Variants in BCO1 observed in about 807,000 individuals in gnomAD.
BCO1 encodes beta-carotene oxygenase 1, also known as beta,beta-carotene 15,15'-dioxygenase.
In BCO1, 54 loss-of-function variants were observed where a neutral mutation model predicts 56.3. The ratio of observed to expected loss-of-function variants is 0.96; its 90% confidence interval spans 0.77 to 1.20. BCO1 has a LOEUF of 1.20. BCO1 is among the 50% of genes most tolerant of loss of function. The probability of loss-of-function intolerance (pLI) is 0.00; values close to 1 mark genes in which losing one functional copy is unlikely to be tolerated. For synonymous variants in BCO1, 318 were observed against 266.1 expected (o/e 1.20, Z -1.90); for missense variants, 801 against 690.9 (o/e 1.16, Z -1.79).
rs777667407 is a variant in BCO1, at chr16:81,290,563, G to T, written c.1630G>T (p.Ala544Ser). The T allele has an allele frequency of 6.2e-7, 1 of 1,613,398 alleles. No homozygotes were observed. Among genetic ancestry groups the T allele is most frequent in the Non-Finnish European group, 8.5e-7 (1 of 1,179,992 alleles). The change falls in exon 11 of 11, where the codon GCT becomes TCT. Residue 544 changes from alanine to serine, a missense_variant. Transcript: ENST00000258168. ...GGACAGGGCTTCCGACTGCCACGGGGCTCCTCTGACCTGATGGTGTTGGGG... is the reference window on the plus strand; with the variant it reads ...GGACAGGGCTTCCGACTGCCACGGGTCTCCTCTGACCTGATGGTGTTGGGG... ...QRDRASDCHG[A>S]PLT is the part of the protein sequence containing the mutation.
intron 7 of BCO1, among the ~76,000 whole-genome samples, chr16:81,275,451 G>A (rs144832284): frequency 6.6e-6 from 1 of 152,194 alleles, no homozygotes; most frequent in Non-Finnish European, 1.5e-5. Flanking sequence ...GCATGACCCC[G>A]CAGCTGAGTC....
In BCO1 at chr16:81,238,698, A is replaced by T; in HGVS notation, c.-211A>T. On this transcript the variant is annotated 5_prime_UTR_variant, in exon 1 of 11. The change abolishes the stop of an existing upstream ORF in the 5' untranslated region. Transcript: ENST00000258168. ...CAGCGCAGCTTCCCTTGTGAATGTA[A>T]AGAGATCCAGGGCTCTTGGAGAGGG... is the stretch of plus-strand genomic sequence containing the variant. The T allele has an allele frequency of 1.7e-6, 1 of 604,510 alleles. No homozygotes were observed. Among genetic ancestry groups the T allele is most frequent in the Non-Finnish European group, 3.0e-6 (1 of 335,796 alleles). The allele number at this position is 604,510 out of a possible 1,614,324, so 37.4% of individuals were successfully genotyped here. A position where few individuals can be genotyped will look rare whatever the true frequency, so the allele number is the denominator to read the frequency against.
Position 81,258,263 on chromosome 16 carries a change from A to C in BCO1, c.194-1413A>C, listed in dbSNP as rs145377955. Reference sequence around the variant, plus strand: ...GGGTAAGTCGTTACAGCAGCCGTAGAAAACTAACACGGGTCTAGAACCATC... The same window carrying C: ...GGGTAAGTCGTTACAGCAGCCGTAGCAAACTAACACGGGTCTAGAACCATC... On this transcript the variant is annotated intron_variant, in intron 2 of 10. Transcript: ENST00000258168. Among the ~76,000 whole-genome samples the C allele has an allele frequency of 1.1e-4, 16 of 152,332 alleles. 1 individual carries two copies. In the East Asian group the frequency reaches 2.7e-3, roughly 26 times the overall value.
intron 7 of BCO1, among the ~76,000 whole-genome samples, chr16:81,277,283 T>C (rs1402412942): frequency 6.6e-6 from 1 of 152,030 alleles, no homozygotes; most frequent in Non-Finnish European, 1.5e-5. Context: ...CTGTGAATTT[T>C]AGGGGCTGTG....
At chr16:81,282,489 C>G (rs1907939389) in intron 8 of BCO1, among the ~76,000 whole-genome samples, 1 of 152,136 alleles carries the variant, frequency 6.6e-6, no homozygotes, top group Non-Finnish European at 1.5e-5. Flanking sequence ...GACTTGGGGA[C>G]TCTTTTAGGA....
Position 81,250,578 on chromosome 16 carries a change from C to CTTTTTT in BCO1, c.193+4990_193+4995dup, listed in dbSNP as rs530676028. 3.6e-4 allele frequency among the ~76,000 whole-genome samples: 38 copies of CTTTTTT among 105,474 alleles called. 2 individuals are homozygous for CTTTTTT. The highest frequency in any genetic ancestry group is 3.1e-4 in the African/African-American group (8 of 26,072). The allele number at this position is 105,474 out of a possible 152,430, so 69.2% of individuals were successfully genotyped here. ...TTGTGTGCCTCCTTTCTCAATAAAG[C>CTTTTTT]TTTTTTTTTTTTTTTTTTTTGAGAT... On this transcript the variant is annotated intron_variant, in intron 2 of 10. Coordinates refer to ENST00000258168, the MANE Select transcript of BCO1 (RefSeq NM_017429.3).
chr16:81,244,815 G>A (rs533887662), intron 1 of BCO1, among the ~76,000 whole-genome samples: 4 of 150,624 alleles, frequency 2.7e-5, no homozygotes, highest in African/African-American at 9.8e-5. Flanking sequence ...GAGCTCCCAG[G>A]CTCAAGCGAT....
chr16:81,283,428 T>TA lies in BCO1; in HGVS notation c.1208-2101dup, dbSNP rs370312811. 8.6e-3 allele frequency among the ~76,000 whole-genome samples: 1,259 copies of TA among 146,980 alleles called. 7 individuals are homozygous for TA. The highest frequency in any genetic ancestry group is 0.012 in the Non-Finnish European group (810 of 66,390). ...AACATGGCAAAACCCCATCTCTATTTAAAAAAAAAAATACAAAAATTAGCC... is the reference window on the plus strand; with the variant it reads ...AACATGGCAAAACCCCATCTCTATTTAAAAAAAAAAAATACAAAAATTAGCC... On this transcript the variant is annotated intron_variant, in intron 8 of 10. Transcript: ENST00000258168.
At chr16:81,274,406 G>A (rs1907426345) in intron 7 of BCO1, among the ~76,000 whole-genome samples, 1 of 151,564 alleles carries the variant, frequency 6.6e-6, no homozygotes. Flanking sequence ...TGGGACTACA[G>A]GCGCCCGCCA....
At position 81,290,251 on chromosome 16, in the gene BCO1, CAT is replaced by C. The variant is rs2150652869; in HGVS notation, c.1415-94_1415-93del. 4 of 1,024,224 alleles carry C rather than the reference CAT, an allele frequency of 3.9e-6. No homozygotes were observed. The East Asian group carries it at 9.6e-5, about 25-fold the overall frequency. 63.4% of individuals were successfully genotyped at this position (1,024,224 alleles called of 1,614,324 possible). A position where few individuals can be genotyped will look rare whatever the true frequency, so the allele number is the denominator to read the frequency against. On this transcript the variant is annotated intron_variant, in intron 10 of 10. Coordinates refer to ENST00000258168, the MANE Select transcript of BCO1 (RefSeq NM_017429.3). ...CACTCCCTCCTGTTTTGGTTAGATA[CAT>C]ATGTTTAAAGAGGGCAGAGAGACAT...
rs761153825 is a variant in BCO1, at chr16:81,280,825, T to A, written c.1102-32T>A. 1.1e-5 allele frequency: 17 copies of A among 1,502,544 alleles called. No individual in the cohort carries two copies. In the South Asian group the frequency reaches 1.8e-4, roughly 16 times the overall value. The allele number at this position is 1,502,544 out of a possible 1,614,324, so 93.1% of individuals were successfully genotyped here. A position where few individuals can be genotyped will look rare whatever the true frequency, so the allele number is the denominator to read the frequency against. On this transcript the variant is annotated intron_variant, in intron 7 of 10. Coordinates refer to ENST00000258168, the MANE Select transcript of BCO1 (RefSeq NM_017429.3). ...ATGTTTGCTCTGGATTACACGTTTT[T>A]ATTTTACTTTTTGAAAACTGAATTT...
rs766802088 is a variant in BCO1, at chr16:81,270,435, G to A, written c.1101+19G>A. The A allele has an allele frequency of 5.2e-5, 84 of 1,613,640 alleles. 1 individual carries two copies. The South Asian group carries it at 5.5e-4, about 11-fold the overall frequency. On this transcript the variant is annotated intron_variant, in intron 7 of 10. Coordinates refer to ENST00000258168, the MANE Select transcript of BCO1 (RefSeq NM_017429.3). ...GGACAAGGTAATGGCTTCCAAGGAG[G>A]TCCCTTTTCTTTCTAGAGAGATATC...
At chr16:81,268,984 C>T (rs1057129523) in intron 6 of BCO1, among the ~76,000 whole-genome samples, 5 of 150,958 alleles carry the variant, frequency 3.3e-5, no homozygotes, top group Non-Finnish European at 2.9e-5. Context: ...CCAGGCTAGC[C>T]TCAAACTCTG....
At chr16:81,276,411 C>G (rs1907558458) in intron 7 of BCO1, among the ~76,000 whole-genome samples, 1 of 152,232 alleles carries the variant, frequency 6.6e-6, no homozygotes, top group Non-Finnish European at 1.5e-5. Context: ...AGCCTTGCTT[C>G]CAATACCCGT....
chr16:81,253,723 G>T (rs1905951601), intron 2 of BCO1, among the ~76,000 whole-genome samples: 1 of 152,180 alleles, frequency 6.6e-6, no homozygotes, highest in African/African-American at 2.4e-5. Flanking sequence ...CAGCACTTCA[G>T]GATGCCAAGG....
intron 2 of BCO1, among the ~76,000 whole-genome samples, chr16:81,246,419 C>T (rs1168264245): frequency 6.6e-6 from 1 of 152,162 alleles, no homozygotes; most frequent in Non-Finnish European, 1.5e-5. Context: ...ACCGCAAGCA[C>T]AGACTTTCCT....
chr16:81,255,509 T>A (rs28720990), intron 2 of BCO1, among the ~76,000 whole-genome samples: 14 of 150,498 alleles, frequency 9.3e-5, no homozygotes, highest in East Asian at 7.7e-4. Flanking sequence ...TTTTATTTTT[T>A]ATTTTTTTGA....
chr16:81,254,370 C>A (rs991578099), intron 2 of BCO1, among the ~76,000 whole-genome samples: 1 of 133,378 alleles, frequency 7.5e-6, no homozygotes, highest in South Asian at 2.3e-4. Flanking sequence ...AGGCTGGTCT[C>A]GAACTCCTGA....
chr16:81,280,866 G>T lies in BCO1; in HGVS notation c.1111G>T (p.Val371Leu), dbSNP rs375301674. 67 of 1,613,398 alleles carry T rather than the reference G, an allele frequency of 4.2e-5. No homozygotes were observed. The South Asian group carries it at 5.6e-4, about 13-fold the overall frequency. ...AACTGAATTTTTTCAGAATGCAGAA[G>T]TGGGCACAAATTTAATCAAAGTGGC... The part of the protein sequence containing the change: ...VPLHVDKNAE[V>L]GTNLIKVAST... The change falls in exon 8 of 11, where the codon GTG (valine) becomes TTG (leucine). Residue 371 changes from valine (V) to leucine (L), a missense_variant. Physicochemically the swap from Val to Leu is conservative, Grantham distance 32. Transcript: ENST00000258168.
Sources: allele counts gnomAD v4.1 joint callset (sites outside exome capture counted in the v4.1 genomes callset), GRCh38; gene constraint gnomAD v4.1.1; transcripts MANE v1.5; gene names NCBI Gene and HGNC (gene_info 2026-07-23, HGNC 2026-07-21).